Variants in SLC24A2 observed in about 807,000 individuals in gnomAD.
SLC24A2 encodes the protein sodium/potassium/calcium exchanger 2.
In SLC24A2, 36 loss-of-function variants were observed where a neutral mutation model predicts 62.0. The observed-to-expected ratio is 0.58, with a 90% CI of 0.44 to 0.77. SLC24A2 has a LOEUF of 0.77. Ranked by LOEUF, SLC24A2 falls within the 30% of genes least tolerant of loss-of-function variation. The probability of loss-of-function intolerance (pLI) is 0.00; values close to 1 mark genes in which losing one functional copy is unlikely to be tolerated. For missense variants in SLC24A2, 846 were observed against 817.9 expected, an observed-to-expected ratio of 1.03 and a Z score of -0.42; for synonymous variants, 358 against 294.0, an observed-to-expected ratio of 1.22 and a Z score of -2.23.
rs549277081 is a variant in SLC24A2, at chr9:19,691,686, T to C, written c.931-69387A>G. ...ACCAGTTATATACTTTCCTAGTATA[T>C]GTTAAAATAAGCATATAATCATTAA... On this transcript the variant is annotated intron_variant, in intron 2 of 10. Transcript: ENST00000341998. Among the ~76,000 whole-genome samples the C allele has an allele frequency of 6.6e-5, 10 of 152,290 alleles. No individual in the cohort carries two copies. In the South Asian group the frequency reaches 1.0e-3, roughly 16 times the overall value.
chr9:19,582,385 G>C (rs1345080166), intron 5 of SLC24A2, among the ~76,000 whole-genome samples: 1 of 152,150 alleles, frequency 6.6e-6, no homozygotes, highest in African/African-American at 2.4e-5. Flanking sequence ...TACTGGGGTG[G>C]TGATCAGATT....
chr9:19,872,572 C>G, the SLC24A2 span, among the ~76,000 whole-genome samples: 2 of 152,154 alleles, frequency 1.3e-5, no homozygotes, highest in Non-Finnish European at 2.9e-5. Flanking sequence ...GAGGAGGTTG[C>G]TGATGTGTTT....
the SLC24A2 span, among the ~76,000 whole-genome samples, chr9:20,016,865 G>A: frequency 6.6e-6 from 1 of 152,132 alleles, no homozygotes; most frequent in African/African-American, 2.4e-5. Context: ...GGTATCAGGA[G>A]AGATAAAAGA....
the SLC24A2 span, among the ~76,000 whole-genome samples, chr9:19,966,256 A>G: frequency 1.3e-5 from 2 of 152,252 alleles, no homozygotes; most frequent in African/African-American, 2.4e-5. Flanking sequence ...CTAGCGTGGT[A>G]TTTCTCTCTA....
chr9:19,783,673 G>A (rs1264872239), intron 2 of SLC24A2, among the ~76,000 whole-genome samples: 1 of 152,140 alleles, frequency 6.6e-6, no homozygotes, highest in Non-Finnish European at 1.5e-5. Flanking sequence ...TGTAATTACA[G>A]AAAAAATTCC....
At chr9:19,855,111 C>A in the SLC24A2 span, among the ~76,000 whole-genome samples, 1 of 152,044 alleles carries the variant, frequency 6.6e-6, no homozygotes, top group Non-Finnish European at 1.5e-5. Context: ...AAGATCATGA[C>A]CTCTGCTTTT....
At chr9:19,922,828 A>G in the SLC24A2 span, among the ~76,000 whole-genome samples, 3 of 152,166 alleles carry the variant, frequency 2.0e-5, no homozygotes, top group Non-Finnish European at 4.4e-5. Context: ...GTCTCAGGTG[A>G]TCAGAGACAA....
chr9:19,672,302 T>C (rs1819444592), intron 2 of SLC24A2, among the ~76,000 whole-genome samples: 1 of 146,670 alleles, frequency 6.8e-6, no homozygotes, highest in South Asian at 2.1e-4. Flanking sequence ...TTTATCCATC[T>C]CCTCTAGGTT....
the SLC24A2 span, among the ~76,000 whole-genome samples, chr9:20,006,386 A>C: frequency 6.6e-6 from 1 of 152,016 alleles, no homozygotes; most frequent in East Asian, 1.9e-4. Flanking sequence ...AGATAGAATG[A>C]ATAAGATCTA....
At chr9:19,823,066 CT>C in the SLC24A2 span, among the ~76,000 whole-genome samples, 1 of 152,230 alleles carries the variant, frequency 6.6e-6, no homozygotes, top group South Asian at 2.1e-4. Context: ...ATTCTAGTCC[CT>C]TCTGGGCATC....
the SLC24A2 span, among the ~76,000 whole-genome samples, chr9:19,888,665 C>T: frequency 9.2e-5 from 14 of 152,118 alleles, no homozygotes; most frequent in South Asian, 4.2e-4. Flanking sequence ...TTGGTTTTAC[C>T]GCTTTCTAAT....
Position 19,510,668 on chromosome 9 carries a change from C to T in SLC24A2, c.*5485G>A, listed in dbSNP as rs1426311615. The stretch of plus-strand genomic sequence containing the variant: ...GTGGAAGCCTAGGCAAACTCCATGG[C>T]ATTCTTTCAGACTTAGATATTTGTC... On this transcript the variant is annotated 3_prime_UTR_variant, in exon 11 of 11. Transcript: ENST00000341998. The T allele has an allele frequency of 6.6e-6, 1 of 152,184 alleles. No individual in the cohort carries two copies. The highest frequency in any genetic ancestry group is 1.5e-5 in the Non-Finnish European group (1 of 68,034). The allele number at this position is 152,184 out of a possible 1,614,324, so 9.4% of individuals were successfully genotyped here.
At chr9:19,644,458 T>A (rs59972514) in intron 2 of SLC24A2, among the ~76,000 whole-genome samples, 9,799 of 152,216 alleles carry the variant, frequency 0.064, 848 homozygotes, top group African/African-American at 0.2. Flanking sequence ...TTCATCCCTA[T>A]GTTACAGATG....
At chr9:20,072,212 T>C in the SLC24A2 span, among the ~76,000 whole-genome samples, 65 of 152,286 alleles carry the variant, frequency 4.3e-4, no homozygotes, top group African/African-American at 1.5e-3. Flanking sequence ...AAGTGTATGA[T>C]GTAAACCCAG....
At chr9:20,026,350 A>G in the SLC24A2 span, among the ~76,000 whole-genome samples, 6 of 152,248 alleles carry the variant, frequency 3.9e-5, no homozygotes, top group Non-Finnish European at 8.8e-5. Flanking sequence ...CAATTAAATA[A>G]GACAATGATC....
the SLC24A2 span, among the ~76,000 whole-genome samples, chr9:19,806,622 G>C: frequency 6.6e-6 from 1 of 152,136 alleles, no homozygotes; most frequent in Admixed American, 6.6e-5. Flanking sequence ...ATCTAAGTTA[G>C]ACAGAACAAT....
At chr9:19,822,276 C>T in the SLC24A2 span, among the ~76,000 whole-genome samples, 1 of 152,278 alleles carries the variant, frequency 6.6e-6, no homozygotes, top group East Asian at 1.9e-4. Context: ...GCCAATCAGG[C>T]TTGGCCTGCA....
chr9:20,074,360 C>T, the SLC24A2 span, among the ~76,000 whole-genome samples: 6 of 151,886 alleles, frequency 4.0e-5, no homozygotes, highest in African/African-American at 1.5e-4. Context: ...ATTGACATGG[C>T]ATCATTGCTC....
chr9:20,141,712 G>A, the SLC24A2 span, among the ~76,000 whole-genome samples: 96 of 151,902 alleles, frequency 6.3e-4, no homozygotes, highest in African/African-American at 1.8e-3. Flanking sequence ...GCAGGGTAGC[G>A]TCCTTATGCT....
Sources: gnomAD v4.1 joint callset for allele counts (sites outside exome capture counted in the v4.1 genomes callset) on GRCh38, gnomAD v4.1.1 for gene constraint, MANE v1.5 for transcripts, NCBI Gene and HGNC (gene_info 2026-07-23, HGNC 2026-07-21) for gene names.